HMX1: variants seen among roughly 807,000 people sequenced by gnomAD.
HMX1 encodes H6 family homeobox 1, also known as homeobox protein HMX1.
Under a neutral mutation model 8.9 loss-of-function variants are expected in HMX1, and 8 were observed. The observed-to-expected ratio is 0.90, with a 90% CI of 0.53 to 1.63. The LOEUF (loss-of-function observed/expected upper bound fraction) is 1.63. Among genes scored for constraint, HMX1 ranks in the 40% most tolerant of loss-of-function variants. HMX1 has a pLI of 0.00. For missense variants in HMX1, 621 were observed against 558.5 expected (o/e 1.11, Z -1.13); for synonymous variants, 311 against 283.4 (o/e 1.10, Z -0.98).
intron 1 of HMX1, among the ~76,000 whole-genome samples, chr4:8,857,031 C>T (rs1721627244): frequency 6.6e-6 from 1 of 152,194 alleles, no homozygotes; most frequent in Non-Finnish European, 1.5e-5. Context: ...CTGCAGTGAG[C>T]CCTGATCGCG....
chr4:8,856,027 G>A (rs1025129778), intron 1 of HMX1, among the ~76,000 whole-genome samples: 5 of 152,194 alleles, frequency 3.3e-5, no homozygotes, highest in African/African-American at 1.2e-4. Context: ...AGAAAACCAA[G>A]GGGGAAAAGG....
In HMX1 at chr4:8,868,517, G is replaced by T. The variant is rs575269873; in HGVS notation, c.395-172C>A. 2.6e-5 allele frequency among the ~76,000 whole-genome samples: 4 copies of T among 152,310 alleles called. No individual in the cohort carries two copies. Among genetic ancestry groups the T allele is most frequent in the African/African-American group, 9.6e-5 (4 of 41,572 alleles). On this transcript the variant is annotated intron_variant, in intron 1 of 1. Transcript: ENST00000400677. The surrounding 1 kb of genome is among the most constrained non-coding windows in gnomAD (Gnocchi z 4.6). ...GGGATGCACACATTGTCAGAACCGT[G>T]GGAGGCGGCCCAGAGACCAGGCAGC... is the stretch of plus-strand genomic sequence containing the variant.
chr4:8,858,125 G>A (rs1367806533), intron 1 of HMX1, among the ~76,000 whole-genome samples: 1 of 152,066 alleles, frequency 6.6e-6, no homozygotes, highest in Non-Finnish European at 1.5e-5. Flanking sequence ...CCCCAAGCCG[G>A]TCGAGGCCCC....
intron 1 of HMX1, among the ~76,000 whole-genome samples, chr4:8,854,724 T>G (rs557654081): frequency 5.1e-4 from 77 of 152,364 alleles, no homozygotes; most frequent in African/African-American, 1.7e-3. Flanking sequence ...ATTCTATTGA[T>G]TCTCTTTCTT....
In HMX1 at chr4:8,867,593, C is replaced by T. The variant is rs906787056; in HGVS notation, c.*100G>A. Reference sequence around the variant, plus strand: ...GGTATCTAGGAGGCCGCAGGAGCGACCATCCCTTCCCTAACGCCCCCTGAG... The same window carrying T: ...GGTATCTAGGAGGCCGCAGGAGCGATCATCCCTTCCCTAACGCCCCCTGAG... On this transcript the variant is annotated 3_prime_UTR_variant, in exon 2 of 2. Coordinates refer to ENST00000400677, the MANE Select transcript of HMX1 (RefSeq NM_018942.3). The T allele has an allele frequency of 5.9e-6, 7 of 1,186,876 alleles. No individual in the cohort carries two copies. The African/African-American group carries it at 8.0e-5, about 14-fold the overall frequency. 73.5% of individuals were successfully genotyped at this position (1,186,876 alleles called of 1,614,324 possible).
Position 8,867,723 on chromosome 4 carries a change from A to G in HMX1, c.1017T>C (p.Phe339=). The change falls in exon 2 of 2, where the codon TTT becomes TTC. Residue 339 remains phenylalanine, a synonymous_variant. Transcript: ENST00000400677. The part of the protein sequence containing the change: ...AAFPAAASVP[F]LRAQMPGLV ...CCAGGCCAGGCATCTGCGCCCGCAG[A>G]AAGGGCACGGAGGCGGCGGCCGGGA... is the stretch of plus-strand genomic sequence containing the variant. The G allele has an allele frequency of 7.8e-7, 1 of 1,280,860 alleles. No individual in the cohort carries two copies. The highest frequency in any genetic ancestry group is 9.8e-7 in the Non-Finnish European group (1 of 1,017,374). The allele number at this position is 1,280,860 out of a possible 1,614,324, so 79.3% of individuals were successfully genotyped here.
At position 8,871,452 on chromosome 4, in the gene HMX1, C is replaced by T. The variant is rs1475511152; in HGVS notation, c.163G>A (p.Glu55Lys). ...EEEDDDDPED[E>K]DAEQARRRRL... is the part of the protein sequence containing the mutation. ...CGCCGCCGCGCCTGCTCGGCGTCCT[C>T]GTCTTCGGGGTCGTCGTCGTCCTCC... The change falls in exon 1 of 2, where the codon GAG (glutamate) becomes AAG (lysine). Residue 55 changes from glutamate (E) to lysine (K), a missense_variant. Coordinates refer to ENST00000400677, the MANE Select transcript of HMX1 (RefSeq NM_018942.3). The surrounding 1 kb of genome is among the most constrained non-coding windows in gnomAD (Gnocchi z 4.8). The T allele has an allele frequency of 5.2e-6, 7 of 1,339,818 alleles. No homozygotes were observed. Among genetic ancestry groups the T allele is most frequent in the Middle Eastern group, 2.8e-4 (1 of 3,596 alleles). The allele number at this position is 1,339,818 out of a possible 1,614,324, so 83.0% of individuals were successfully genotyped here. A position where few individuals can be genotyped will look rare whatever the true frequency, so the allele number is the denominator to read the frequency against.
At chr4:8,869,999 G>T (rs1293506844) in intron 1 of HMX1, among the ~76,000 whole-genome samples, 1 of 152,168 alleles carries the variant, frequency 6.6e-6, no homozygotes, top group Non-Finnish European at 1.5e-5. Context: ...ACGTGAAGGG[G>T]GTGGGGGCCT....
At position 8,867,298 on chromosome 4, in the gene HMX1, C is replaced by T. The variant is rs2109471823; in HGVS notation, c.*395G>A. On this transcript the variant is annotated 3_prime_UTR_variant, in exon 2 of 2. Coordinates refer to ENST00000400677, the MANE Select transcript of HMX1 (RefSeq NM_018942.3). The stretch of plus-strand genomic sequence containing the variant: ...GTTGGGGGCAGTCTGTGGGGACAGT[C>T]ACCGCTCAGCCTTGGACAGCCGGTT... 1.0e-6 allele frequency: 1 copy of T among 989,542 alleles called. No homozygotes were observed. Among genetic ancestry groups the T allele is most frequent in the Non-Finnish European group, 1.2e-6 (1 of 832,852 alleles). 61.3% of individuals were successfully genotyped at this position (989,542 alleles called of 1,614,324 possible).
chr4:8,864,487 T>C (rs1560179838), downstream of HMX1, among the ~76,000 whole-genome samples: 1 of 152,138 alleles, frequency 6.6e-6, no homozygotes, highest in Non-Finnish European at 1.5e-5. Context: ...AAGCCATTCA[T>C]CTTCTGCCAG....
At position 8,867,213 on chromosome 4, in the gene HMX1, G is replaced by C. The variant is rs1722026358; in HGVS notation, c.*480C>G. On this transcript the variant is annotated 3_prime_UTR_variant, in exon 2 of 2. Transcript: ENST00000400677. The stretch of plus-strand genomic sequence containing the variant: ...CCTTTCTCCACCAGCACCCGCGAGA[G>C]GGGTAGCACAGCCCTCCGGGCCGGC... 3 of 985,694 alleles carry C rather than the reference G, an allele frequency of 3.0e-6. No homozygotes were observed. Among genetic ancestry groups the C allele is most frequent in the Non-Finnish European group, 3.6e-6 (3 of 830,172 alleles). 61.1% of individuals were successfully genotyped at this position (985,694 alleles called of 1,614,324 possible).
In HMX1 at chr4:8,849,350, T is replaced by C. The variant is rs1721372767; in HGVS notation, c.395-3026A>G. Among the ~76,000 whole-genome samples, 1 of 151,762 alleles carries C rather than the reference T, an allele frequency of 6.6e-6. No individual in the cohort carries two copies. Among genetic ancestry groups the C allele is most frequent in the East Asian group, 2.0e-4 (1 of 5,108 alleles). ...GTGGTGTGTGAGGACAAAGAGAACT[T>C]TGGACACAGACTCACTAGAGGCAGG... is the stretch of plus-strand genomic sequence containing the variant. On this transcript the variant is annotated intron_variant, in intron 1 of 1. Transcript: ENST00000506970. This position sits in a 1 kb window ranked among gnomAD's most constrained non-coding sequence, Gnocchi z 6.6.
chr4:8,864,577 C>A (rs148157834), downstream of HMX1, among the ~76,000 whole-genome samples: 1,453 of 152,358 alleles, frequency 9.5e-3, 29 homozygotes, highest in African/African-American at 0.032. Context: ...GGCGTACCCC[C>A]TGCTTGCCCC....
At position 8,849,962 on chromosome 4, in the gene HMX1, G is replaced by A. The variant is rs1242386153; in HGVS notation, c.395-3638C>T. Among the ~76,000 whole-genome samples the A allele has an allele frequency of 6.6e-6, 1 of 152,202 alleles. No homozygotes were observed. The highest frequency in any genetic ancestry group is 1.5e-5 in the Non-Finnish European group (1 of 68,032). On this transcript the variant is annotated intron_variant, in intron 1 of 1. Transcript: ENST00000506970. The surrounding 1 kb of genome is among the most constrained non-coding windows in gnomAD (Gnocchi z 6.6). ...TGACAAAGGAAGTGGCCAAGGGTGT[G>A]TCCCAAACCCTGTGGGTGTTGGTTT...
rs1466051066 is a variant in HMX1, at chr4:8,849,949, T to A, written c.395-3625A>T. Among the ~76,000 whole-genome samples, 1 of 152,162 alleles carries A rather than the reference T, an allele frequency of 6.6e-6. No homozygotes were observed. Among genetic ancestry groups the A allele is most frequent in the East Asian group, 1.9e-4 (1 of 5,178 alleles). On this transcript the variant is annotated intron_variant, in intron 1 of 1. Transcript: ENST00000506970. The surrounding 1 kb of genome is among the most constrained non-coding windows in gnomAD (Gnocchi z 6.6). ...ACAGGTGGGCAGGTGACAAAGGAAGTGGCCAAGGGTGTGTCCCAAACCCTG... is the reference window on the plus strand; with the variant it reads ...ACAGGTGGGCAGGTGACAAAGGAAGAGGCCAAGGGTGTGTCCCAAACCCTG...
In HMX1 at chr4:8,871,684, C is replaced by G. The variant is rs983154957; in HGVS notation, c.-70G>C. 16 of 1,133,482 alleles carry G rather than the reference C, an allele frequency of 1.4e-5. No individual in the cohort carries two copies. Among genetic ancestry groups the G allele is most frequent in the Non-Finnish European group, 1.7e-5 (16 of 925,566 alleles). The allele number at this position is 1,133,482 out of a possible 1,614,324, so 70.2% of individuals were successfully genotyped here. A position where few individuals can be genotyped will look rare whatever the true frequency, so the allele number is the denominator to read the frequency against. On this transcript the variant is annotated 5_prime_UTR_variant, in exon 1 of 2. Coordinates refer to ENST00000400677, the MANE Select transcript of HMX1 (RefSeq NM_018942.3). This position sits in a 1 kb window ranked among gnomAD's most constrained non-coding sequence, Gnocchi z 4.8. ...GCTGGGGATGGTGGCGCGCGGCTCC[C>G]GGGCGCACGCGCGGGCCGGCCCTGG...
chr4:8,849,582 T>C lies in HMX1; in HGVS notation c.395-3258A>G, dbSNP rs181201908. Among the ~76,000 whole-genome samples, 2 of 152,120 alleles carry C rather than the reference T, an allele frequency of 1.3e-5. No homozygotes were observed. The highest frequency in any genetic ancestry group is 2.4e-5 in the African/African-American group (1 of 41,442). On this transcript the variant is annotated intron_variant, in intron 1 of 1. Coordinates refer to the HMX1 transcript ENST00000506970. This position sits in a 1 kb window ranked among gnomAD's most constrained non-coding sequence, Gnocchi z 6.6. Reference sequence around the variant, plus strand: ...AAACATTTCAATTGTCTGAAGCCCATTGCCTGTGGCCCTTGGTCCCGGCAG... The same window carrying C: ...AAACATTTCAATTGTCTGAAGCCCACTGCCTGTGGCCCTTGGTCCCGGCAG...
chr4:8,866,319 C>T (rs1156636734), downstream of HMX1, among the ~76,000 whole-genome samples: 1 of 152,238 alleles, frequency 6.6e-6, no homozygotes, highest in Non-Finnish European at 1.5e-5. Flanking sequence ...CCAAGTGAAG[C>T]AGGACAGGGA....
At chr4:8,862,177 A>G (rs188970685), downstream of HMX1, among the ~76,000 whole-genome samples, 34 of 152,364 alleles carry the variant, frequency 2.2e-4, no homozygotes, top group East Asian at 3.9e-3. Context: ...TAAGACTGAA[A>G]TCATTCTACA....
Sources: gnomAD v4.1 joint callset for allele counts (sites outside exome capture counted in the v4.1 genomes callset) on GRCh38, gnomAD v4.1.1 for gene constraint, Gnocchi (gnomAD v3.1) non-coding constraint, MANE v1.5 for transcripts, NCBI Gene and HGNC (gene_info 2026-07-23, HGNC 2026-07-21) for gene names.